Variants in RAB3GAP1 observed in about 807,000 individuals in gnomAD.
RAB3GAP1 encodes RAB3 GTPase activating protein catalytic subunit 1.
RAB3GAP1 carries 86 observed loss-of-function variants against 130.7 expected under a neutral mutation model. The observed-to-expected ratio is 0.66, with a 90% CI of 0.55 to 0.79. The LOEUF is 0.79. Among genes scored for constraint, RAB3GAP1 ranks in the 30% least tolerant of loss-of-function variants. The pLI is 0.00. For missense variants in RAB3GAP1, 1,029 were observed against 1,169.4 expected, an observed-to-expected ratio of 0.88 and a Z score of 1.75; for synonymous variants, 367 against 401.7, an observed-to-expected ratio of 0.91 and a Z score of 1.03.
intron 19 of RAB3GAP1, among the ~76,000 whole-genome samples, chr2:135,156,817 A>G (rs1345074008): frequency 1.3e-5 from 2 of 152,156 alleles, no homozygotes; most frequent in African/African-American, 4.8e-5. Context: ...TGGGAGTTGA[A>G]AGAAGAACTC....
At chr2:135,099,916 G>C (rs1369481987) in intron 5 of RAB3GAP1, among the ~76,000 whole-genome samples, 1 of 152,144 alleles carries the variant, frequency 6.6e-6, no homozygotes, top group Admixed American at 6.5e-5. Context: ...ATATAGCAGA[G>C]AGATTGGTAA....
chr2:135,144,052 T>C (rs1691926297), intron 17 of RAB3GAP1, among the ~76,000 whole-genome samples: 1 of 152,204 alleles, frequency 6.6e-6, no homozygotes, highest in South Asian at 2.1e-4. Flanking sequence ...CACTCAGCCC[T>C]GGGCCTGCCG....
In RAB3GAP1 at chr2:135,153,556, T is replaced by G. The variant is rs1360233670; in HGVS notation, c.2062-93T>G. ...TACATATTAGATTGTAAAGATTAGATAGGCTTTTTTTGAAAATACAATTTT... is the reference window on the plus strand; with the variant it reads ...TACATATTAGATTGTAAAGATTAGAGAGGCTTTTTTTGAAAATACAATTTT... On this transcript the variant is annotated intron_variant, in intron 18 of 23. Transcript: ENST00000264158. 2.6e-6 allele frequency: 3 copies of G among 1,166,436 alleles called. No homozygotes were observed. The East Asian group carries it at 7.0e-5, about 27-fold the overall frequency. 72.3% of individuals were successfully genotyped at this position (1,166,436 alleles called of 1,614,324 possible).
Position 135,145,973 on chromosome 2 carries a change from T to C in RAB3GAP1, c.1924-4396T>C, listed in dbSNP as rs569109475. 2.6e-5 allele frequency among the ~76,000 whole-genome samples: 4 copies of C among 152,274 alleles called. No homozygotes were observed. In the South Asian group the frequency reaches 8.3e-4, roughly 32 times the overall value. ...CAGGTATAGTGAAATAAATAATAAT[T>C]TGAAACATGGATTCTGTTAACTTTA... On this transcript the variant is annotated intron_variant, in intron 17 of 23. Coordinates refer to ENST00000264158, the MANE Select transcript of RAB3GAP1 (RefSeq NM_012233.3).
chr2:135,124,100 GCTTAA>G, intron 8 of RAB3GAP1, 60 bp from the exon 9 acceptor site: 1 of 1,461,440 alleles, frequency 6.8e-7, no homozygotes, highest in Non-Finnish European at 9.6e-7. Flanking sequence ...ATTCCAAAGG[GCTTAA>G]CTAGATTAGA....
chr2:135,062,299 T>C (rs1016372843), intron 3 of RAB3GAP1, among the ~76,000 whole-genome samples: 11 of 152,242 alleles, frequency 7.2e-5, no homozygotes, highest in African/African-American at 2.4e-5. Context: ...GGCTGTCTTA[T>C]GCATTGTCAA....
chr2:135,115,992 T>C (rs1690959959), intron 7 of RAB3GAP1, among the ~76,000 whole-genome samples: 1 of 152,152 alleles, frequency 6.6e-6, no homozygotes, highest in South Asian at 2.1e-4. Flanking sequence ...AGGAGCTGTT[T>C]GTGAATACCT....
Position 135,162,560 on chromosome 2 carries a change from G to A in RAB3GAP1, c.2295G>A (p.Leu765=). The change falls in exon 20 of 24, where the codon CTG becomes CTA. Residue 765 remains leucine, a synonymous_variant. Coordinates refer to ENST00000264158, the MANE Select transcript of RAB3GAP1 (RefSeq NM_012233.3). Reference sequence around the variant, plus strand: ...GTGCGCTGCACCTCCTTCAGGTGCTGCACTATCTGGCAATCCAGAAACCTG... The same window carrying A: ...GTGCGCTGCACCTCCTTCAGGTGCTACACTATCTGGCAATCCAGAAACCTG... ...FDDTREAEKV[L]HYLAIQKPAD... is the part of the protein sequence containing the mutation. The A allele has an allele frequency of 1.2e-6, 2 of 1,613,276 alleles. No individual in the cohort carries two copies. The highest frequency in any genetic ancestry group is 1.7e-6 in the Non-Finnish European group (2 of 1,179,536).
intron 3 of RAB3GAP1, among the ~76,000 whole-genome samples, chr2:135,078,078 C>T (rs1320267122): frequency 2.0e-5 from 3 of 151,880 alleles, no homozygotes; most frequent in East Asian, 1.9e-4. Context: ...TCTTTTGTTG[C>T]CTGTGCTTTT....
chr2:135,085,983 G>C (rs1689963510), intron 3 of RAB3GAP1, among the ~76,000 whole-genome samples: 1 of 152,052 alleles, frequency 6.6e-6, no homozygotes, highest in East Asian at 1.9e-4. Flanking sequence ...AGTTTTTCCT[G>C]TTCTTGAGCT....
Position 135,133,876 on chromosome 2 carries a change from T to G in RAB3GAP1, c.1342T>G (p.Phe448Val), listed in dbSNP as rs756247418. Residue 448 changes from phenylalanine (F) to valine (V), a missense_variant, in exon 15 of 24, where the codon TTC (phenylalanine) becomes GTC (valine). Physicochemically the swap from Phe to Val is conservative, Grantham distance 50. Around this residue, in one of 3 missense-constraint regions of RAB3GAP1, gnomAD observed 510 missense variants for 532.1 expected, o/e 0.96. Transcript: ENST00000264158. ...ESEDYNLYNQFKSAPSDSLTY... is the reference protein window; with the variant it reads ...ESEDYNLYNQVKSAPSDSLTY... ...TTAAATTTAGAATCTCTACAATCAG[T>G]TCAAGTCTGCACCATCTGACAGTTT... 5.6e-6 allele frequency: 9 copies of G among 1,613,548 alleles called. No homozygotes were observed. In the Admixed American group the frequency reaches 1.5e-4, roughly 27 times the overall value.
chr2:135,117,684 G>T (rs62170235), intron 7 of RAB3GAP1, among the ~76,000 whole-genome samples: 1,364 of 22,002 alleles, frequency 0.062, no homozygotes, highest in African/African-American at 0.11. Context: ...TTCTGCTTCT[G>T]CTTCTTCTTC....
intron 14 of RAB3GAP1, 105 bp downstream of exon 14, chr2:135,133,089 A>T: frequency 1.3e-6 from 1 of 770,288 alleles, no homozygotes; most frequent in Non-Finnish European, 2.2e-6. Context: ...TATTTTAAAA[A>T]TCACCTTGGG....
chr2:135,139,418 G>A (rs1179515237), intron 17 of RAB3GAP1, among the ~76,000 whole-genome samples: 1 of 151,960 alleles, frequency 6.6e-6, no homozygotes, highest in Non-Finnish European at 1.5e-5. Context: ...GTGTATGGCT[G>A]TAGACCCAGC....
intron 7 of RAB3GAP1, among the ~76,000 whole-genome samples, chr2:135,117,441 TCTTCTTCTTCTTCTG>T (rs201926161): frequency 0.14 from 11,992 of 88,514 alleles, 610 homozygotes; most frequent in South Asian, 0.28. Context: ...TTCTTCTTCT[TCTTCTTCTTCTTCTG>T]CTTCTGCTTC....
chr2:135,172,562 G>A (rs1019238233), downstream of RAB3GAP1, among the ~76,000 whole-genome samples: 3 of 152,182 alleles, frequency 2.0e-5, no homozygotes, highest in Admixed American at 6.5e-5. Context: ...GCCATGGAGG[G>A]TAAAAGGGAT....
intron 17 of RAB3GAP1, among the ~76,000 whole-genome samples, chr2:135,145,998 A>G (rs1259573317): frequency 6.6e-6 from 1 of 152,088 alleles, no homozygotes; most frequent in Non-Finnish European, 1.5e-5. Flanking sequence ...TGTTAACTTT[A>G]TTATCCATGC....
At chr2:135,072,984 G>C (rs1365030364) in intron 3 of RAB3GAP1, among the ~76,000 whole-genome samples, 2 of 152,166 alleles carry the variant, frequency 1.3e-5, no homozygotes, top group Admixed American at 1.3e-4. Context: ...TTAAGCCCAG[G>C]GGTAGGACTA....
At chr2:135,147,787 A>AT (rs1002186750) in intron 17 of RAB3GAP1, among the ~76,000 whole-genome samples, 1 of 151,908 alleles carries the variant, frequency 6.6e-6, no homozygotes, top group African/African-American at 2.4e-5. Flanking sequence ...TACTTATTTA[A>AT]TTTTTTGTAG....
Sources: gnomAD v4.1 joint callset for allele counts (sites outside exome capture counted in the v4.1 genomes callset) on GRCh38, gnomAD v4.1.1 for gene constraint, gnomAD v4.1.1 regional missense constraint, MANE v1.5 for transcripts, NCBI Gene and HGNC (gene_info 2026-07-23, HGNC 2026-07-21) for gene names.